Variants in P2RY6 observed in about 807,000 individuals in gnomAD.
P2RY6 encodes the protein P2Y purinoceptor 6.
A neutral mutation model predicts 16.3 loss-of-function variants in P2RY6; 19 were observed. The observed-to-expected ratio is 1.16, with a 90% CI of 0.81 to 1.71. The LOEUF (loss-of-function observed/expected upper bound fraction) is 1.71. Ranked by LOEUF, P2RY6 falls within the 40% of genes most tolerant of loss-of-function variation. The pLI is 0.00. For synonymous variants in P2RY6, 184 were observed against 201.5 expected (o/e 0.91, Z 0.74); for missense variants, 389 against 455.5 (o/e 0.85, Z 1.33).
At chr11:73,267,934 C>T (rs542640774), upstream of P2RY6, among the ~76,000 whole-genome samples, 75 of 152,370 alleles carry the variant, frequency 4.9e-4, no homozygotes, top group African/African-American at 1.8e-3. Flanking sequence ...CTTCCTCTCC[C>T]ATCTCTTTCC....
chr11:73,291,384 G>T (rs1397297348), intron 1 of P2RY6, among the ~76,000 whole-genome samples: 4 of 152,146 alleles, frequency 2.6e-5, no homozygotes, highest in Non-Finnish European at 5.9e-5. Flanking sequence ...GCTGGGAGTG[G>T]GTACGGGAGG....
upstream of P2RY6, among the ~76,000 whole-genome samples, chr11:73,270,514 G>A (rs1230828725): frequency 1.3e-5 from 2 of 152,196 alleles, no homozygotes; most frequent in African/African-American, 4.8e-5. Flanking sequence ...GAGGGCAGGA[G>A]AGGGAGCTCT....
intron 1 of P2RY6, chr11:73,292,737 G>A (rs142219779): frequency 1.5e-5 from 14 of 926,132 alleles, no homozygotes; most frequent in African/African-American, 1.1e-4. Context: ...GCAGGGAGCC[G>A]GTGGCCCCCA....
At position 73,296,850 on chromosome 11, in the gene P2RY6, A is replaced by G; in HGVS notation, c.332A>G (p.His111Arg). ...LVRFLFYANL[H>R]GSILFLTCIS... ...CGCTTCCTCTTCTATGCCAACCTGCACGGCAGCATCCTCTTCCTCACCTGC... is the reference window on the plus strand; with the variant it reads ...CGCTTCCTCTTCTATGCCAACCTGCGCGGCAGCATCCTCTTCCTCACCTGC... Residue 111 changes from histidine (H) to arginine (R), a missense_variant, in exon 3 of 3, where the codon CAC becomes CGC. Transcript: ENST00000540124. 6.2e-7 allele frequency: 1 copy of G among 1,610,668 alleles called. No individual in the cohort carries two copies. The highest frequency in any genetic ancestry group is 8.5e-7 in the Non-Finnish European group (1 of 1,180,012).
In P2RY6 at chr11:73,296,848, G is replaced by A. The variant is rs373027021; in HGVS notation, c.330G>A (p.Leu110=). The change falls in exon 3 of 3, where the codon CTG becomes CTA. Residue 110 remains leucine, a synonymous_variant. Coordinates refer to ENST00000540124, the MANE Select transcript of P2RY6 (RefSeq NM_001277204.2). ...RLVRFLFYAN[L]HGSILFLTCI... ...TCCGCTTCCTCTTCTATGCCAACCT[G>A]CACGGCAGCATCCTCTTCCTCACCT... 4 of 1,610,452 alleles carry A rather than the reference G, an allele frequency of 2.5e-6. No individual in the cohort carries two copies. In the African/African-American group the frequency reaches 4.0e-5, roughly 16 times the overall value.
At chr11:73,276,224 A>C (rs1454352146) in intron 1 of P2RY6, among the ~76,000 whole-genome samples, 3 of 152,212 alleles carry the variant, frequency 2.0e-5, no homozygotes, top group Admixed American at 6.5e-5. Flanking sequence ...AGACAATAAC[A>C]AGTGTTGCCG....
At chr11:73,276,873 T>A (rs924969647) in intron 1 of P2RY6, among the ~76,000 whole-genome samples, 28 of 152,218 alleles carry the variant, frequency 1.8e-4, no homozygotes, top group African/African-American at 6.8e-4. Context: ...GTGAATTATG[T>A]CTTAATTTTG....
At chr11:73,274,540 C>CAAAAAAAAAAAAAA (rs59442426) in intron 1 of P2RY6, among the ~76,000 whole-genome samples, 1 of 68,502 alleles carries the variant, frequency 1.5e-5, no homozygotes, top group African/African-American at 4.1e-5. Flanking sequence ...GAGACTGTCT[C>CAAAAAAAAAAAAAA]AAAAAAAAAA....
Position 73,297,391 on chromosome 11 carries a change from T to G in P2RY6, c.873T>G (p.Ser291Arg). 1.2e-6 allele frequency: 2 copies of G among 1,612,344 alleles called. No individual in the cohort carries two copies. The highest frequency in any genetic ancestry group is 1.7e-6 in the Non-Finnish European group (2 of 1,180,026). The change falls in exon 3 of 3, where the codon AGT (serine) becomes AGG (arginine). Residue 291 changes from serine to arginine, a missense_variant. Physicochemically the swap from Ser to Arg is moderately radical, Grantham distance 110. Coordinates refer to ENST00000540124, the MANE Select transcript of P2RY6 (RefSeq NM_001277204.2). ...ACAAAGGCACGCGGCCGTTTGCCAG[T>G]GCCAACAGCGTGCTGGACCCCATCC... The part of the protein sequence containing the change: ...AAYKGTRPFA[S>R]ANSVLDPILF...
At chr11:73,272,217 A>C, upstream of P2RY6, 1 of 319,232 alleles carries the variant, frequency 3.1e-6, no homozygotes, top group Non-Finnish European at 4.5e-6. Flanking sequence ...CATTGGTGTA[A>C]AGGACTGGAG....
intron 1 of P2RY6, among the ~76,000 whole-genome samples, chr11:73,290,840 G>A (rs1486046734): frequency 6.6e-6 from 1 of 152,260 alleles, no homozygotes; most frequent in African/African-American, 2.4e-5. Flanking sequence ...GCAAAGCTAA[G>A]GCCCGGTGAG....
rs548838627 is a variant in P2RY6 at position 73,296,623 on chromosome 11, G to A, written c.105G>A (p.Ala35=). ...TGCTGCTGCCACCTGTGTATTCGGC[G>A]GTGCTGGCGGCTGGCCTGCCGCTGA... ...KQLLLPPVYS[A]VLAAGLPLNI... The change falls in exon 3 of 3, where the codon GCG becomes GCA. Residue 35 remains alanine, a synonymous_variant. Transcript: ENST00000540124. 2.1e-5 allele frequency: 34 copies of A among 1,614,184 alleles called. No individual in the cohort carries two copies. The Admixed American group carries it at 2.2e-4, about 10-fold the overall frequency.
At chr11:73,290,980 A>G (rs974287523) in intron 1 of P2RY6, among the ~76,000 whole-genome samples, 22 of 152,186 alleles carry the variant, frequency 1.4e-4, no homozygotes, top group Admixed American at 3.9e-4. Flanking sequence ...AAAGAACTAA[A>G]AGGCCGGTGG....
At chr11:73,291,761 G>A (rs943287247) in intron 1 of P2RY6, among the ~76,000 whole-genome samples, 4 of 152,192 alleles carry the variant, frequency 2.6e-5, no homozygotes, top group Admixed American at 2.6e-4. Flanking sequence ...GAGCCACCCT[G>A]AGTGGCACTT....
chr11:73,296,189 A>C (rs1864464572), intron 2 of P2RY6, among the ~76,000 whole-genome samples: 1 of 148,520 alleles, frequency 6.7e-6, no homozygotes, highest in Non-Finnish European at 1.5e-5. Context: ...CAGGGCTTTG[A>C]AGGATGAATA....
chr11:73,276,152 C>A (rs1449203682), intron 1 of P2RY6, among the ~76,000 whole-genome samples: 1 of 152,124 alleles, frequency 6.6e-6, no homozygotes, highest in Non-Finnish European at 1.5e-5. Flanking sequence ...TAGGGAAATG[C>A]AAATCAAAAC....
chr11:73,275,695 G>A (rs1863508009), intron 1 of P2RY6, among the ~76,000 whole-genome samples: 1 of 152,178 alleles, frequency 6.6e-6, no homozygotes, highest in Non-Finnish European at 1.5e-5. Context: ...CTAATGTTTG[G>A]CACAGAAATG....
upstream of P2RY6, chr11:73,271,385 G>A (rs1863302088): frequency 6.6e-6 from 1 of 152,218 alleles, no homozygotes; most frequent in South Asian, 2.1e-4. Context: ...AGCATCGGCA[G>A]GCTAGCATCT....
chr11:73,264,885 G>A (rs139990995), intron 1 of P2RY6, among the ~76,000 whole-genome samples: 1 of 152,336 alleles, frequency 6.6e-6, no homozygotes, highest in East Asian at 1.9e-4. Flanking sequence ...TGAGCAATGG[G>A]TTAATGGGTT....
Sources: gnomAD v4.1 joint callset for allele counts (sites outside exome capture counted in the v4.1 genomes callset) on GRCh38, gnomAD v4.1.1 for gene constraint, MANE v1.5 for transcripts, NCBI Gene and HGNC (gene_info 2026-07-23, HGNC 2026-07-21) for gene names.